TSPAN33: variants seen among roughly 807,000 people sequenced by gnomAD.
TSPAN33 encodes tetraspanin 33.
TSPAN33 carries 27 observed loss-of-function variants against 34.8 expected under a neutral mutation model. The ratio of observed to expected loss-of-function variants is 0.78; its 90% CI spans 0.57 to 1.07. The LOEUF (loss-of-function observed/expected upper bound fraction) is 1.07, where lower values mean the gene tolerates loss of function less well. TSPAN33 is among the 50% of genes least tolerant of loss of function. TSPAN33 has a pLI of 0.00. For synonymous variants in TSPAN33, 119 were observed against 124.2 expected (o/e 0.96, Z 0.28); for missense variants, 272 against 324.9 (o/e 0.84, Z 1.25).
chr7:129,145,824 A>G (rs1584632458), intron 1 of TSPAN33, among the ~76,000 whole-genome samples: 1 of 151,760 alleles, frequency 6.6e-6, no homozygotes, highest in Non-Finnish European at 1.5e-5. Flanking sequence ...TCTGCCGTTC[A>G]TTGTTGACTT....
chr7:129,168,076 TC>T lies in TSPAN33; in HGVS notation c.*205del, dbSNP rs948044474. The T allele has an allele frequency of 2.0e-5, 21 of 1,046,468 alleles. No individual in the cohort carries two copies. The highest frequency in any genetic ancestry group is 2.8e-5 in the Non-Finnish European group (21 of 749,184). 64.8% of individuals were successfully genotyped at this position (1,046,468 alleles called of 1,614,324 possible). On this transcript the variant is annotated 3_prime_UTR_variant, in exon 8 of 8. Coordinates refer to ENST00000486685, the MANE Select transcript of TSPAN33 (RefSeq NM_178562.5). ...AGGAGGATGCGCCTCCTCTCCCCCA[TC>T]CCAGCCCTCAGCATTGTGCCAGAGT...
intron 1 of TSPAN33, among the ~76,000 whole-genome samples, chr7:129,154,638 G>A (rs1177059910): frequency 2.0e-5 from 3 of 152,182 alleles, no homozygotes; most frequent in Non-Finnish European, 4.4e-5. Flanking sequence ...CTACTTGGGA[G>A]GCTGAGGCAG....
chr7:129,158,397 T>C (rs1229323687), intron 1 of TSPAN33, among the ~76,000 whole-genome samples: 2 of 152,230 alleles, frequency 1.3e-5, no homozygotes, highest in African/African-American at 4.8e-5. Flanking sequence ...ATGTGGCATC[T>C]CTTTACTTTG....
chr7:129,162,565 C>T (rs373577477), intron 3 of TSPAN33, 44 bp downstream of exon 3: 13 of 1,605,186 alleles, frequency 8.1e-6, no homozygotes, highest in Non-Finnish European at 1.1e-5. Context: ...GCCCTCTCCC[C>T]ATCATGCCTC....
rs1329953470 is a variant in TSPAN33, at chr7:129,145,001, G to T, written c.21G>T (p.Ala7=). 1 of 670,684 alleles carries T rather than the reference G, an allele frequency of 1.5e-6. No individual in the cohort carries two copies. The highest frequency in any genetic ancestry group is 1.6e-5 in the South Asian group (1 of 63,262). The allele number at this position is 670,684 out of a possible 1,614,324, so 41.5% of individuals were successfully genotyped here. Residue 7 remains alanine (A), a synonymous_variant, in exon 1 of 8, where the codon GCG becomes GCT. Coordinates refer to ENST00000486685, the MANE Select transcript of TSPAN33 (RefSeq NM_178562.5). ...GGGCCATGGCGCGGAGACCCCGGGCGCCGGCCGCCTCCGGGGAGGAGTTCT... is the reference window on the plus strand; with the variant it reads ...GGGCCATGGCGCGGAGACCCCGGGCTCCGGCCGCCTCCGGGGAGGAGTTCT... MARRPR[A]PAASGEEFSF... is the part of the protein sequence containing the mutation.
chr7:129,162,362 A>G, intron 2 of TSPAN33, 32 bp from the exon 3 acceptor site: 1 of 1,607,524 alleles, frequency 6.2e-7, no homozygotes. Context: ...AGTGGGCACC[A>G]GGCTCAGGCT....
intron 1 of TSPAN33, among the ~76,000 whole-genome samples, chr7:129,154,101 G>C (rs149739689): frequency 0.022 from 3,298 of 150,934 alleles, 65 homozygotes; most frequent in Middle Eastern, 0.056. Context: ...GGAGACCAAT[G>C]AGGTAGGATC....
rs1443519419 is a variant in TSPAN33, at chr7:129,161,752, C to T, written c.160+16C>T. Reference sequence around the variant, plus strand: ...AAGCATGCAGGTGAGCTGTAGCTCTCCCTCCCTGCCCCCACCTTGTGCCAT... The same window carrying T: ...AAGCATGCAGGTGAGCTGTAGCTCTTCCTCCCTGCCCCCACCTTGTGCCAT... On this transcript the variant is annotated intron_variant, in intron 2 of 7. Coordinates refer to ENST00000486685, the MANE Select transcript of TSPAN33 (RefSeq NM_178562.5). 6.2e-7 allele frequency: 1 copy of T among 1,613,866 alleles called. No homozygotes were observed. Among genetic ancestry groups the T allele is most frequent in the Non-Finnish European group, 8.5e-7 (1 of 1,179,968 alleles).
rs931286723 is a variant in TSPAN33, at chr7:129,166,691, A to G, written c.460-87A>G. 5.2e-6 allele frequency: 8 copies of G among 1,529,796 alleles called. No individual in the cohort carries two copies. In the East Asian group the frequency reaches 6.9e-5, roughly 13 times the overall value. 94.8% of individuals were successfully genotyped at this position (1,529,796 alleles called of 1,614,324 possible). A position where few individuals can be genotyped will look rare whatever the true frequency, so the allele number is the denominator to read the frequency against. ...CTAAAGTTCCCAGTAGAAGCTTGCT[A>G]TAGACTTTTGGTGGCTCTGAGAATT... is the stretch of plus-strand genomic sequence containing the variant. On this transcript the variant is annotated intron_variant, in intron 5 of 7. Transcript: ENST00000486685.
intron 1 of TSPAN33, among the ~76,000 whole-genome samples, chr7:129,146,571 T>C (rs561775726): frequency 6.6e-6 from 1 of 152,314 alleles, no homozygotes; most frequent in East Asian, 1.9e-4. Flanking sequence ...GCTGCTGCTA[T>C]AGCTGGGGTA....
At chr7:129,161,600 C>T in intron 1 of TSPAN33, 79 bp from the exon 2 acceptor site, 1 of 1,401,792 alleles carries the variant, frequency 7.1e-7, no homozygotes. Context: ...CCTTCTCCTG[C>T]TCTCCTAGGT....
At chr7:129,164,100 A>G (rs1436017046) in intron 4 of TSPAN33, among the ~76,000 whole-genome samples, 2 of 152,210 alleles carry the variant, frequency 1.3e-5, no homozygotes, top group Non-Finnish European at 2.9e-5. Flanking sequence ...GCAATTATCT[A>G]GTGTCCACTA....
At chr7:129,150,210 G>C (rs1207529007) in intron 1 of TSPAN33, among the ~76,000 whole-genome samples, 1 of 152,220 alleles carries the variant, frequency 6.6e-6, no homozygotes, top group African/African-American at 2.4e-5. Context: ...ATGGAAGACA[G>C]ACAAGGCTAG....
chr7:129,163,956 G>A (rs1793096104), intron 4 of TSPAN33, among the ~76,000 whole-genome samples: 1 of 152,088 alleles, frequency 6.6e-6, no homozygotes, highest in African/African-American at 2.4e-5. Flanking sequence ...AAAGAGAAAG[G>A]GAGAGGGGAG....
intron 1 of TSPAN33, among the ~76,000 whole-genome samples, chr7:129,160,466 G>A (rs911354632): frequency 1.3e-5 from 2 of 152,214 alleles, no homozygotes; most frequent in Non-Finnish European, 2.9e-5. Flanking sequence ...GCCAAGGGAA[G>A]TAGGCACTGG....
chr7:129,168,107 C>A lies in TSPAN33; in HGVS notation c.*233C>A. 2.6e-6 allele frequency: 2 copies of A among 767,508 alleles called. No individual in the cohort carries two copies. Among genetic ancestry groups the A allele is most frequent in the Non-Finnish European group, 3.9e-6 (2 of 512,588 alleles). 47.5% of individuals were successfully genotyped at this position (767,508 alleles called of 1,614,324 possible). A position where few individuals can be genotyped will look rare whatever the true frequency, so the allele number is the denominator to read the frequency against. ...CCCTCAGCATTGTGCCAGAGTGATA[C>A]CCTTAAGTGTTTGGGTTTATGTTTT... On this transcript the variant is annotated 3_prime_UTR_variant, in exon 8 of 8. Coordinates refer to ENST00000486685, the MANE Select transcript of TSPAN33 (RefSeq NM_178562.5).
chr7:129,145,623 C>T (rs1810510490), intron 1 of TSPAN33, among the ~76,000 whole-genome samples: 1 of 151,572 alleles, frequency 6.6e-6, no homozygotes, highest in African/African-American at 2.4e-5. Context: ...CATCCCAGCA[C>T]TGCCCCAAAC....
In TSPAN33 at chr7:129,167,571, C is replaced by A; in HGVS notation, c.750+11C>A. 6.2e-7 allele frequency: 1 copy of A among 1,612,368 alleles called. No homozygotes were observed. The highest frequency in any genetic ancestry group is 1.1e-5 in the South Asian group (1 of 90,886). Reference sequence around the variant, plus strand: ...CTGGCCATCCCCCAGGTAACTTACCCTGTGAGACTTGTTGGTCCCACACAC... The same window carrying A: ...CTGGCCATCCCCCAGGTAACTTACCATGTGAGACTTGTTGGTCCCACACAC... On this transcript the variant is annotated intron_variant, in intron 7 of 7. Transcript: ENST00000486685. This position sits in a 1 kb window ranked among gnomAD's most constrained non-coding sequence, Gnocchi z 4.6.
Position 129,161,742 on chromosome 7 carries a change from C to G in TSPAN33, c.160+6C>G. ...TCGGCTAATGAAGCATGCAGGTGAG[C>G]TGTAGCTCTCCCTCCCTGCCCCCAC... On this transcript the variant is annotated splice_donor_region_variant and intron_variant, in intron 2 of 7. Coordinates refer to ENST00000486685, the MANE Select transcript of TSPAN33 (RefSeq NM_178562.5). The G allele has an allele frequency of 1.2e-6, 2 of 1,614,090 alleles. No individual in the cohort carries two copies. The highest frequency in any genetic ancestry group is 1.7e-6 in the Non-Finnish European group (2 of 1,179,992).
Sources: allele counts gnomAD v4.1 joint callset (sites outside exome capture counted in the v4.1 genomes callset), GRCh38; gene constraint gnomAD v4.1.1; non-coding constraint Gnocchi (gnomAD v3.1); transcripts MANE v1.5; gene names NCBI Gene and HGNC (gene_info 2026-07-23, HGNC 2026-07-21).